Variants in TMCC1 observed in about 807,000 individuals in gnomAD.
The protein encoded by TMCC1 is transmembrane and coiled-coil domains protein 1.
TMCC1 carries 15 observed loss-of-function variants against 52.4 expected under a neutral mutation model. That is an observed-to-expected ratio of 0.29 (90% CI 0.19 to 0.44). The LOEUF is 0.44. Among genes scored for constraint, TMCC1 ranks in the 20% least tolerant of loss-of-function variants. The pLI, the probability that TMCC1 is intolerant of heterozygous loss-of-function variation, is 1.00. For missense variants in TMCC1, 503 were observed against 806.0 expected (o/e 0.62, Z 4.55); for synonymous variants, 279 against 301.9 (o/e 0.92, Z 0.79).
At chr3:129,858,432 A>G (rs550163256) in intron 2 of TMCC1, among the ~76,000 whole-genome samples, 1 of 152,272 alleles carries the variant, frequency 6.6e-6, no homozygotes, top group South Asian at 2.1e-4. Flanking sequence ...GTGCACTGGC[A>G]CAATCTCAGC....
At chr3:129,684,132 T>C (rs1443909891) in intron 4 of TMCC1, among the ~76,000 whole-genome samples, 1 of 152,184 alleles carries the variant, frequency 6.6e-6, no homozygotes, top group Non-Finnish European at 1.5e-5. Context: ...ATGTAAATGG[T>C]ATGGACTTCA....
intron 5 of TMCC1, among the ~76,000 whole-genome samples, chr3:129,658,645 T>C (rs1275369801): frequency 1.3e-5 from 2 of 152,158 alleles, no homozygotes; most frequent in East Asian, 3.9e-4. Flanking sequence ...TCTTTACAAA[T>C]AACATGAGGC....
chr3:129,692,366 A>G (rs532304230), intron 4 of TMCC1, among the ~76,000 whole-genome samples: 1 of 152,352 alleles, frequency 6.6e-6, no homozygotes, highest in East Asian at 1.9e-4. Flanking sequence ...ATCACAGACT[A>G]ATGTTAAATG....
chr3:129,745,489 G>C (rs145204538), intron 4 of TMCC1, among the ~76,000 whole-genome samples: 189 of 152,300 alleles, frequency 1.2e-3, no homozygotes, highest in African/African-American at 4.0e-3. Context: ...GCCCTGATGG[G>C]AAATGCTGTA....
chr3:129,822,417 G>C (rs1157659731), intron 4 of TMCC1, among the ~76,000 whole-genome samples: 1 of 152,096 alleles, frequency 6.6e-6, no homozygotes, highest in Non-Finnish European at 1.5e-5. Flanking sequence ...TCTAGCCTGG[G>C]CATTAGAGCA....
At chr3:129,860,914 G>C (rs915822034) in intron 2 of TMCC1, 1 of 152,160 alleles carries the variant, frequency 6.6e-6, no homozygotes, top group Non-Finnish European at 1.5e-5. Context: ...ACAATCCAAA[G>C]ACAATAAAAC....
intron 5 of TMCC1, chr3:129,656,868 G>A (rs185296112): frequency 9.7e-4 from 147 of 152,248 alleles, no homozygotes; most frequent in African/African-American, 3.3e-3. Flanking sequence ...ACGTGATCAG[G>A]AACAGGTCCC....
intron 4 of TMCC1, among the ~76,000 whole-genome samples, chr3:129,777,971 A>G (rs1165479528): frequency 6.6e-6 from 1 of 152,064 alleles, no homozygotes; most frequent in Non-Finnish European, 1.5e-5. Context: ...AGCACACACT[A>G]CTTTCTATTG....
intron 4 of TMCC1, among the ~76,000 whole-genome samples, chr3:129,720,181 C>CAAAAAAAAAGAAAAAAAA (rs2049453251): frequency 1.7e-5 from 1 of 58,696 alleles, no homozygotes; most frequent in African/African-American, 6.2e-5. Flanking sequence ...GACCCTGTCT[C>CAAAAAAAAAGAAAAAAAA]AAAAAAAAAA....
intron 4 of TMCC1, among the ~76,000 whole-genome samples, chr3:129,799,220 C>A (rs1170222018): frequency 6.6e-6 from 1 of 152,052 alleles, no homozygotes; most frequent in Non-Finnish European, 1.5e-5. Context: ...CTAAATTAAG[C>A]CTGATTCCTT....
intron 4 of TMCC1, among the ~76,000 whole-genome samples, chr3:129,705,313 T>C (rs2048140407): frequency 6.6e-6 from 1 of 152,160 alleles, no homozygotes; most frequent in Admixed American, 6.5e-5. Flanking sequence ...ATCCATGGGT[T>C]CCAGCATCCT....
chr3:129,713,434 CAT>C (rs1395976080), intron 4 of TMCC1, among the ~76,000 whole-genome samples: 1 of 151,942 alleles, frequency 6.6e-6, no homozygotes, highest in African/African-American at 2.4e-5. Context: ...TATGATAAAA[CAT>C]ATAAATGATA....
At chr3:129,834,599 T>C (rs2059071806) in intron 2 of TMCC1, among the ~76,000 whole-genome samples, 1 of 152,046 alleles carries the variant, frequency 6.6e-6, no homozygotes, top group South Asian at 2.1e-4. Flanking sequence ...CTAATGATCA[T>C]GTAAGATGCA....
intron 5 of TMCC1, among the ~76,000 whole-genome samples, chr3:129,669,977 A>G (rs2087780788): frequency 6.6e-6 from 1 of 150,898 alleles, no homozygotes; most frequent in Non-Finnish European, 1.5e-5. Flanking sequence ...AGAAGTCACT[A>G]CATTTTGCTT....
At chr3:129,681,860 A>C (rs1414969306) in intron 4 of TMCC1, among the ~76,000 whole-genome samples, 1 of 151,662 alleles carries the variant, frequency 6.6e-6, no homozygotes, top group African/African-American at 2.4e-5. Flanking sequence ...GTGAGCTGAG[A>C]TCATACCACT....
intron 1 of TMCC1, among the ~76,000 whole-genome samples, chr3:129,884,399 G>A (rs970158773): frequency 2.6e-5 from 4 of 152,000 alleles, no homozygotes; most frequent in Non-Finnish European, 4.4e-5. Flanking sequence ...AGGCTGAGAC[G>A]GGAGGATCAC....
At chr3:129,681,206 G>A (rs986848341) in intron 4 of TMCC1, among the ~76,000 whole-genome samples, 2 of 152,098 alleles carry the variant, frequency 1.3e-5, no homozygotes, top group South Asian at 4.1e-4. Context: ...GGGTGACTAA[G>A]AAGTTTTACA....
intron 4 of TMCC1, among the ~76,000 whole-genome samples, chr3:129,700,509 G>A (rs1327284231): frequency 6.6e-6 from 1 of 151,776 alleles, no homozygotes; most frequent in Non-Finnish European, 1.5e-5. Flanking sequence ...ACGGAGTCTC[G>A]CTCTGTTGCC....
chr3:129,829,008 T>C (rs974241060), intron 3 of TMCC1, among the ~76,000 whole-genome samples: 5 of 152,222 alleles, frequency 3.3e-5, no homozygotes, highest in Admixed American at 2.6e-4. Context: ...TAACTATATG[T>C]GGATTTTAAT....
Sources: allele counts gnomAD v4.1 joint callset (sites outside exome capture counted in the v4.1 genomes callset), GRCh38; gene constraint gnomAD v4.1.1; transcripts MANE v1.5; gene names NCBI Gene and HGNC (gene_info 2026-07-23, HGNC 2026-07-21).